AMD1: variants seen among roughly 807,000 people sequenced by gnomAD.
AMD1 encodes the protein adenosylmethionine decarboxylase 1.
A neutral mutation model predicts 40.2 loss-of-function variants in AMD1; 11 were observed. The observed-to-expected ratio is 0.27, with a 90% CI of 0.17 to 0.45. The LOEUF (loss-of-function observed/expected upper bound fraction) is 0.45. Among genes scored for constraint, AMD1 ranks in the 20% least tolerant of loss-of-function variants. The pLI, the probability that AMD1 is intolerant of heterozygous loss-of-function variation, is 1.00. For synonymous variants in AMD1, 121 were observed against 130.8 expected (o/e 0.93, Z 0.51); for missense variants, 257 against 410.2 (o/e 0.63, Z 3.23).
intron 8 of AMD1, among the ~76,000 whole-genome samples, 176 bp downstream of exon 8, chr6:110,893,241 TGTCA>T (rs1786130860): frequency 6.6e-6 from 1 of 152,224 alleles, no homozygotes; most frequent in Non-Finnish European, 1.5e-5. Context: ...ATTAGACCTG[TGTCA>T]GTCCTTGTTT....
intron 3 of AMD1, 92 bp from the exon 4 acceptor site, chr6:110,890,162 A>G (rs1038616564): frequency 1.7e-5 from 16 of 940,218 alleles, no homozygotes; most frequent in Non-Finnish European, 2.0e-5. Flanking sequence ...CGAGTTTTTG[A>G]TATGTGGACA....
At chr6:110,830,260 C>T in the AMD1 span, among the ~76,000 whole-genome samples, 1 of 152,092 alleles carries the variant, frequency 6.6e-6, no homozygotes, top group Non-Finnish European at 1.5e-5. Flanking sequence ...ATGATCCGCC[C>T]ACCTGAGCCT....
At chr6:110,821,635 A>C in the AMD1 span, among the ~76,000 whole-genome samples, 1 of 152,162 alleles carries the variant, frequency 6.6e-6, no homozygotes, top group African/African-American at 2.4e-5. Context: ...GAAGAAAGAA[A>C]AGAAAAAATC....
the AMD1 span, chr6:110,858,995 G>A: frequency 8.7e-7 from 1 of 1,153,518 alleles, no homozygotes; most frequent in Non-Finnish European, 1.3e-6. Context: ...AGGGCGCCAA[G>A]CAAAGCGGCC....
Position 110,895,204 on chromosome 6 carries a change from T to C in AMD1, c.*1588T>C, listed in dbSNP as rs1786239253. ...ATGAAACACCTTTTTTTAGTGTTTC[T>C]AAACCTAAAATCTACTTGGTTTGAA... On this transcript the variant is annotated 3_prime_UTR_variant, in exon 9 of 9. Coordinates refer to ENST00000368885, the MANE Select transcript of AMD1 (RefSeq NM_001634.6). The C allele has an allele frequency of 1.3e-5, 2 of 152,252 alleles. No individual in the cohort carries two copies. Among genetic ancestry groups the C allele is most frequent in the South Asian group, 4.1e-4 (2 of 4,830 alleles). The allele number at this position is 152,252 out of a possible 1,614,324, so 9.4% of individuals were successfully genotyped here. A position where few individuals can be genotyped will look rare whatever the true frequency, so the allele number is the denominator to read the frequency against.
At chr6:110,860,816 C>A in the AMD1 span, among the ~76,000 whole-genome samples, 2 of 142,280 alleles carry the variant, frequency 1.4e-5, no homozygotes, top group Admixed American at 1.4e-4. Flanking sequence ...AAAACAAAAA[C>A]AAAACAAAAC....
chr6:110,893,678 T>C lies in AMD1; in HGVS notation c.*62T>C. 1 of 1,568,716 alleles carries C rather than the reference T, an allele frequency of 6.4e-7. No individual in the cohort carries two copies. Among genetic ancestry groups the C allele is most frequent in the Non-Finnish European group, 8.6e-7 (1 of 1,156,736 alleles). On this transcript the variant is annotated 3_prime_UTR_variant, in exon 9 of 9. Coordinates refer to ENST00000368885, the MANE Select transcript of AMD1 (RefSeq NM_001634.6). ...CATGTAGAAGGTGGTGGATGCTTTC[T>C]AGATGTCGATGCTGGGGGCAGTGCT...
chr6:110,879,061 C>G (rs1297100859), intron 1 of AMD1, among the ~76,000 whole-genome samples: 1 of 152,174 alleles, frequency 6.6e-6, no homozygotes, highest in East Asian at 1.9e-4. Flanking sequence ...TTCCTCCCAG[C>G]AGTTTCAAAA....
the AMD1 span, among the ~76,000 whole-genome samples, chr6:110,860,441 A>G: frequency 1.3e-5 from 2 of 152,196 alleles, no homozygotes; most frequent in Non-Finnish European, 2.9e-5. Context: ...AACAGAAGTT[A>G]AACAATTCTT....
the AMD1 span, chr6:110,815,181 G>C: frequency 6.5e-7 from 1 of 1,541,918 alleles, no homozygotes; most frequent in South Asian, 1.2e-5. Flanking sequence ...GGCCGCCGCC[G>C]CTCAGTCCCT....
the AMD1 span, among the ~76,000 whole-genome samples, chr6:110,821,888 C>A: frequency 6.6e-6 from 1 of 152,070 alleles, no homozygotes; most frequent in Non-Finnish European, 1.5e-5. Flanking sequence ...AAATTGACAA[C>A]CTAACATCAT....
intron 3 of AMD1, 155 bp from the exon 4 acceptor site, chr6:110,890,087 CCTAATAGCGAGA>C: frequency 1.9e-6 from 1 of 539,112 alleles, no homozygotes; most frequent in East Asian, 3.4e-5. Flanking sequence ...CCTCCTGCCT[CCTAATAGCGAGA>C]CTACAGGCAT....
At chr6:110,892,545 T>C in intron 6 of AMD1, 102 bp downstream of exon 6, 1 of 1,529,220 alleles carries the variant, frequency 6.5e-7, no homozygotes, top group South Asian at 1.2e-5. Context: ...AAGTGCTAGT[T>C]TGTTACATAG....
intron 1 of AMD1, among the ~76,000 whole-genome samples, chr6:110,877,409 T>A (rs1785172882): frequency 6.6e-6 from 1 of 152,270 alleles, no homozygotes; most frequent in Admixed American, 6.5e-5. Flanking sequence ...TTGAATCACC[T>A]AAAATCAACA....
chr6:110,883,931 T>C (rs1785546892), intron 1 of AMD1, among the ~76,000 whole-genome samples: 1 of 152,098 alleles, frequency 6.6e-6, no homozygotes, highest in Non-Finnish European at 1.5e-5. Context: ...GAAGAGTCCT[T>C]CCCCTATCCC....
chr6:110,861,384 T>C, the AMD1 span, among the ~76,000 whole-genome samples: 4 of 132,128 alleles, frequency 3.0e-5, no homozygotes, highest in Non-Finnish European at 6.4e-5. Flanking sequence ...ATTAGCCAGA[T>C]GTAGTGGCGT....
chr6:110,892,570 T>A, intron 6 of AMD1, 127 bp downstream of exon 6: 6 of 1,445,960 alleles, frequency 4.1e-6, no homozygotes. Flanking sequence ...ACTTGTGTCA[T>A]GGGGGTTTGT....
chr6:110,820,987 A>G, the AMD1 span, among the ~76,000 whole-genome samples: 46 of 152,386 alleles, frequency 3.0e-4, no homozygotes, highest in Middle Eastern at 3.4e-3. Flanking sequence ...GACAAAGTTC[A>G]TCTGGTCTCT....
intron 1 of AMD1, among the ~76,000 whole-genome samples, chr6:110,882,989 G>A (rs1359378621): frequency 6.6e-6 from 1 of 152,040 alleles, no homozygotes. Flanking sequence ...AAGGTGTAGT[G>A]ATACATGCCC....
Sources: allele counts gnomAD v4.1 joint callset (sites outside exome capture counted in the v4.1 genomes callset), GRCh38; gene constraint gnomAD v4.1.1; transcripts MANE v1.5; gene names NCBI Gene and HGNC (gene_info 2026-07-23, HGNC 2026-07-21).